Variants in CEP128 observed in about 807,000 individuals in gnomAD.
CEP128 encodes the protein centrosomal protein 128, also known as centrosomal protein 128kDa.
Under a neutral mutation model 156.7 loss-of-function variants are expected in CEP128, and 132 were observed. The ratio of observed to expected loss-of-function variants is 0.84; its 90% CI spans 0.73 to 0.97. CEP128 has a LOEUF of 0.97. Ranked by LOEUF, CEP128 falls within the 50% of genes least tolerant of loss-of-function variation. The pLI is 0.00. For synonymous variants in CEP128, 469 were observed against 448.9 expected (o/e 1.04, Z -0.57); for missense variants, 1,252 against 1,281.9 (o/e 0.98, Z 0.36).
At chr14:80,550,730 T>C (rs1566774130) in intron 21 of CEP128, among the ~76,000 whole-genome samples, 2 of 151,246 alleles carry the variant, frequency 1.3e-5, no homozygotes, top group Admixed American at 6.6e-5. Context: ...CTCTGTGTTA[T>C]ACATTTTTAT....
intron 20 of CEP128, among the ~76,000 whole-genome samples, chr14:80,574,065 T>G (rs1293464465): frequency 6.6e-6 from 1 of 152,212 alleles, no homozygotes; most frequent in Non-Finnish European, 1.5e-5. Flanking sequence ...CTGTTATAAC[T>G]CTCACGAGTC....
At chr14:80,777,479 T>C (rs991942338) in intron 16 of CEP128, among the ~76,000 whole-genome samples, 1 of 152,190 alleles carries the variant, frequency 6.6e-6, no homozygotes, top group Admixed American at 6.5e-5. Context: ...ATCCAGTCTA[T>C]AGCATTCTGT....
At chr14:80,901,559 T>C (rs889067513) in intron 6 of CEP128, among the ~76,000 whole-genome samples, 3 of 152,170 alleles carry the variant, frequency 2.0e-5, no homozygotes, top group African/African-American at 7.2e-5. Context: ...ATGAACTTAA[T>C]GAGGAAGAAC....
intron 19 of CEP128, among the ~76,000 whole-genome samples, chr14:80,656,278 T>C (rs1384623748): frequency 4.4e-5 from 1 of 22,778 alleles, no homozygotes; most frequent in East Asian, 8.7e-4. Flanking sequence ...TAAGTTTTTA[T>C]TTATATATAT....
intron 19 of CEP128, among the ~76,000 whole-genome samples, chr14:80,666,029 T>C (rs1295273571): frequency 6.6e-6 from 1 of 152,090 alleles, no homozygotes; most frequent in East Asian, 1.9e-4. Flanking sequence ...GCTTTTCCAA[T>C]TGCAAAGTCA....
At chr14:80,652,502 A>AAAAC (rs1225221993) in intron 19 of CEP128, among the ~76,000 whole-genome samples, 1 of 151,894 alleles carries the variant, frequency 6.6e-6, no homozygotes, top group African/African-American at 2.4e-5. Context: ...TTACAAGAAA[A>AAAAC]AAACAACCCC....
intron 2 of CEP128, among the ~76,000 whole-genome samples, chr14:80,950,818 A>G (rs1188621734): frequency 6.6e-6 from 1 of 151,786 alleles, no homozygotes; most frequent in Non-Finnish European, 1.5e-5. Flanking sequence ...TACCCCAAGC[A>G]CAGGAAACTT....
At chr14:80,924,374 A>G (rs1419337294) in intron 2 of CEP128, among the ~76,000 whole-genome samples, 1 of 152,228 alleles carries the variant, frequency 6.6e-6, no homozygotes, top group African/African-American at 2.4e-5. Flanking sequence ...ATAATACATT[A>G]GGAAACAGAA....
chr14:80,853,953 T>C (rs1301935253), intron 9 of CEP128, among the ~76,000 whole-genome samples: 5 of 145,960 alleles, frequency 3.4e-5, no homozygotes, highest in Non-Finnish European at 7.5e-5. Context: ...GCAAATTAGA[T>C]CCTTTCCTCT....
chr14:80,605,842 T>G (rs1200126782), intron 19 of CEP128, among the ~76,000 whole-genome samples: 1 of 152,010 alleles, frequency 6.6e-6, no homozygotes. Flanking sequence ...CCCTTTCTAT[T>G]AATGAGAAGT....
Position 80,658,569 on chromosome 14 carries a change from A to C in CEP128, c.2807-78146T>G, listed in dbSNP as rs140577046. On this transcript the variant is annotated intron_variant, in intron 19 of 24. Coordinates refer to ENST00000555265, the MANE Select transcript of CEP128 (RefSeq NM_152446.5). ...GAGTTAACTATTACTATATTCCAAA[A>C]ACAATACTACAAAAGTAGGGTAATC... Among the ~76,000 whole-genome samples, 437 of 152,312 alleles carry C rather than the reference A, an allele frequency of 2.9e-3. 3 individuals are homozygous for C. The highest frequency in any genetic ancestry group is 0.01 in the African/African-American group (423 of 41,560).
intron 19 of CEP128, among the ~76,000 whole-genome samples, chr14:80,596,922 T>C (rs1892352876): frequency 7.0e-6 from 1 of 143,434 alleles, no homozygotes; most frequent in Admixed American, 7.0e-5. Context: ...GCTGATGCAG[T>C]TCTGAGAGGA....
At chr14:80,592,140 A>C (rs1892101050) in intron 19 of CEP128, among the ~76,000 whole-genome samples, 1 of 152,184 alleles carries the variant, frequency 6.6e-6, no homozygotes, top group African/African-American at 2.4e-5. Flanking sequence ...GCAGAAGACA[A>C]GAAATAACTA....
intron 19 of CEP128, among the ~76,000 whole-genome samples, chr14:80,713,010 G>A (rs1897469667): frequency 6.6e-6 from 1 of 152,154 alleles, no homozygotes; most frequent in South Asian, 2.1e-4. Flanking sequence ...ACCAAAAGTT[G>A]AATCTAATCA....
In CEP128 at chr14:80,742,739, G is replaced by A. The variant is rs1157342563; in HGVS notation, c.2806+336C>T. The A allele has an allele frequency of 1.2e-5, 3 of 249,810 alleles. No homozygotes were observed. In the East Asian group the frequency reaches 3.3e-4, roughly 27 times the overall value. The allele number at this position is 249,810 out of a possible 1,614,324, so 15.5% of individuals were successfully genotyped here. ...CCTAGAATAGTGTGTACTTGAAAAT[G>A]GGCACAAAATATGTATTGAATGAAC... On this transcript the variant is annotated intron_variant, in intron 19 of 24. Coordinates refer to ENST00000555265, the MANE Select transcript of CEP128 (RefSeq NM_152446.5).
intron 19 of CEP128, among the ~76,000 whole-genome samples, chr14:80,618,164 T>C (rs1233626605): frequency 6.6e-6 from 1 of 152,242 alleles, no homozygotes; most frequent in Non-Finnish European, 1.5e-5. Flanking sequence ...ATGTCAATAC[T>C]TTTGCTTCAA....
chr14:80,883,310 T>C (rs978440433), intron 8 of CEP128, among the ~76,000 whole-genome samples: 1 of 152,068 alleles, frequency 6.6e-6, no homozygotes, highest in East Asian at 1.9e-4. Context: ...TTAATTATCT[T>C]TGTTTGCAGA....
chr14:80,932,756 A>C (rs1885540723), intron 2 of CEP128, among the ~76,000 whole-genome samples: 1 of 152,148 alleles, frequency 6.6e-6, no homozygotes, highest in Admixed American at 6.5e-5. Flanking sequence ...GTACACAATA[A>C]ATGCAATGCA....
intron 18 of CEP128, among the ~76,000 whole-genome samples, chr14:80,756,122 A>T (rs1289028411): frequency 1.3e-5 from 2 of 152,210 alleles, no homozygotes; most frequent in Admixed American, 1.3e-4. Flanking sequence ...GAGAAACGCA[A>T]TATTAATGCA....
Sources: allele counts gnomAD v4.1 joint callset (sites outside exome capture counted in the v4.1 genomes callset), GRCh38; gene constraint gnomAD v4.1.1; transcripts MANE v1.5; gene names NCBI Gene and HGNC (gene_info 2026-07-23, HGNC 2026-07-21).